TRHDE: variants seen among roughly 807,000 people sequenced by gnomAD.
TRHDE encodes thyrotropin-releasing hormone-degrading ectoenzyme.
In TRHDE, 72 loss-of-function variants were observed where a neutral mutation model predicts 125.7. The ratio of observed to expected loss-of-function variants is 0.57; its 90% CI spans 0.47 to 0.70. The LOEUF (loss-of-function observed/expected upper bound fraction) is 0.70, where lower values mean the gene tolerates loss of function less well. Among genes scored for constraint, TRHDE ranks in the 30% least tolerant of loss-of-function variants. TRHDE has a pLI of 0.00. For synonymous variants in TRHDE, 509 were observed against 509.1 expected, an observed-to-expected ratio of 1.00 and a Z score of 0.00; for missense variants, 1,110 against 1,327.1, an observed-to-expected ratio of 0.84 and a Z score of 2.54.
chr12:72,546,048 A>T (rs1018672429), intron 7 of TRHDE, among the ~76,000 whole-genome samples: 1 of 151,664 alleles, frequency 6.6e-6, no homozygotes, highest in South Asian at 2.1e-4. Flanking sequence ...TTTTTCAGAG[A>T]CAAGAAAAGC....
intron 5 of TRHDE, among the ~76,000 whole-genome samples, chr12:72,488,801 C>T (rs1481229706): frequency 1.3e-5 from 2 of 151,848 alleles, no homozygotes; most frequent in Non-Finnish European, 2.9e-5. Context: ...TCATAGATAG[C>T]ATCGTTTCAG....
intron 3 of TRHDE, among the ~76,000 whole-genome samples, chr12:72,403,734 A>C (rs1455637484): frequency 6.6e-6 from 1 of 152,184 alleles, no homozygotes; most frequent in South Asian, 2.1e-4. Flanking sequence ...AAGATTCTGG[A>C]ATGATGCCAA....
At chr12:72,090,008 T>G (rs1874754521) in intron 1 of TRHDE, among the ~76,000 whole-genome samples, 1 of 152,248 alleles carries the variant, frequency 6.6e-6, no homozygotes, top group South Asian at 2.1e-4. Context: ...CTGCCATTAT[T>G]GGTGTTGCTT....
chr12:72,110,293 C>T (rs759941985), intron 2 of TRHDE, among the ~76,000 whole-genome samples: 5 of 152,068 alleles, frequency 3.3e-5, no homozygotes, highest in Non-Finnish European at 5.9e-5. Flanking sequence ...GTGCTTTATC[C>T]TGTGGGCATT....
chr12:72,654,823 T>A (rs1371190035), intron 17 of TRHDE, among the ~76,000 whole-genome samples: 1 of 152,148 alleles, frequency 6.6e-6, no homozygotes, highest in Non-Finnish European at 1.5e-5. Flanking sequence ...TCTCATCTCT[T>A]CCCAGTACTC....
chr12:72,584,672 C>T (rs1871370199), intron 12 of TRHDE, among the ~76,000 whole-genome samples: 1 of 152,124 alleles, frequency 6.6e-6, no homozygotes, highest in Non-Finnish European at 1.5e-5. Flanking sequence ...CTGTGCCTGG[C>T]TTATTTCACT....
chr12:72,333,630 T>G (rs1301323862), intron 2 of TRHDE, among the ~76,000 whole-genome samples: 1 of 152,214 alleles, frequency 6.6e-6, no homozygotes, highest in East Asian at 1.9e-4. Flanking sequence ...CAAGAATGCA[T>G]ACATATGTCC....
intron 2 of TRHDE, among the ~76,000 whole-genome samples, chr12:72,132,768 T>C (rs1453066476): frequency 6.6e-6 from 1 of 152,128 alleles, no homozygotes; most frequent in Non-Finnish European, 1.5e-5. Context: ...CAAGCAGACA[T>C]GAACACAGAG....
chr12:72,438,752 C>A (rs965558051), intron 3 of TRHDE, among the ~76,000 whole-genome samples: 1 of 151,734 alleles, frequency 6.6e-6, no homozygotes, highest in African/African-American at 2.4e-5. Flanking sequence ...TCTGTTATTA[C>A]CTTTGCCATG....
At chr12:72,553,155 GT>G (rs1295090310) in intron 7 of TRHDE, among the ~76,000 whole-genome samples, 1 of 152,120 alleles carries the variant, frequency 6.6e-6, no homozygotes. Flanking sequence ...CTTTCTGACA[GT>G]TTTGAGTTTC....
intron 10 of TRHDE, among the ~76,000 whole-genome samples, chr12:72,572,981 C>T (rs901312660): frequency 1.3e-5 from 2 of 151,620 alleles, no homozygotes; most frequent in African/African-American, 4.8e-5. Flanking sequence ...AAACTTGGTG[C>T]TTTAACATTA....
chr12:72,139,864 A>G (rs1184856595), intron 2 of TRHDE, among the ~76,000 whole-genome samples: 1 of 152,172 alleles, frequency 6.6e-6, no homozygotes, highest in Non-Finnish European at 1.5e-5. Context: ...GTGGTTGGAT[A>G]GGATTCACTA....
At chr12:72,647,311 T>C (rs566013558) in intron 15 of TRHDE, among the ~76,000 whole-genome samples, 24 of 152,094 alleles carry the variant, frequency 1.6e-4, no homozygotes, top group Admixed American at 5.2e-4. Flanking sequence ...CTGAAACTTA[T>C]GGGATACAGT....
At chr12:72,122,774 G>C (rs1485439874) in intron 2 of TRHDE, among the ~76,000 whole-genome samples, 2 of 152,068 alleles carry the variant, frequency 1.3e-5, no homozygotes, top group African/African-American at 4.8e-5. Flanking sequence ...TATGTGAGTA[G>C]AAGTGGCAGC....
chr12:72,540,944 T>C (rs1869116263), intron 6 of TRHDE, among the ~76,000 whole-genome samples: 4 of 151,790 alleles, frequency 2.6e-5, no homozygotes, highest in South Asian at 4.1e-4. Context: ...TTGAAATTTT[T>C]TGATACACAT....
chr12:72,311,358 T>C (rs1868533858), intron 2 of TRHDE, among the ~76,000 whole-genome samples: 1 of 152,140 alleles, frequency 6.6e-6, no homozygotes, highest in South Asian at 2.1e-4. Flanking sequence ...CATATCAGTG[T>C]ATGTGTCTAT....
chr12:72,372,091 G>A (rs1347481879), intron 2 of TRHDE, among the ~76,000 whole-genome samples: 1 of 152,086 alleles, frequency 6.6e-6, no homozygotes, highest in Non-Finnish European at 1.5e-5. Flanking sequence ...ATTCTAACTG[G>A]TGTGAGATGG....
chr12:72,194,578 G>T (rs1277098467), intron 2 of TRHDE, among the ~76,000 whole-genome samples: 1 of 152,004 alleles, frequency 6.6e-6, no homozygotes, highest in Non-Finnish European at 1.5e-5. Flanking sequence ...CCATCTTTAT[G>T]TCCATGAGTA....
chr12:72,525,647 G>C (rs1024320428), intron 6 of TRHDE, among the ~76,000 whole-genome samples: 4 of 151,002 alleles, frequency 2.6e-5, no homozygotes, highest in Non-Finnish European at 5.9e-5. Context: ...GAGAGAGAGA[G>C]AGAGAGAGAA....
Sources: allele counts gnomAD v4.1 joint callset (sites outside exome capture counted in the v4.1 genomes callset), GRCh38; gene constraint gnomAD v4.1.1; transcripts MANE v1.5; gene names NCBI Gene and HGNC (gene_info 2026-07-23, HGNC 2026-07-21).